The following TRAPPC9 variants were observed in gnomAD, a reference collection of about 807,000 sequenced individuals.
TRAPPC9 encodes IKK2 binding protein.
A neutral mutation model predicts 124.0 loss-of-function variants in TRAPPC9; 83 were observed. The ratio of observed to expected loss-of-function variants is 0.67; its 90% CI spans 0.56 to 0.80. The LOEUF (loss-of-function observed/expected upper bound fraction) is 0.80. TRAPPC9 is among the 30% of genes least tolerant of loss of function. The pLI is 0.00. For synonymous variants in TRAPPC9, 638 were observed against 617.5 expected (o/e 1.03, Z -0.49); for missense variants, 1,302 against 1,508.3 (o/e 0.86, Z 2.27).
chr8:140,322,106 C>T (rs1568604), intron 9 of TRAPPC9, among the ~76,000 whole-genome samples: 99,577 of 152,028 alleles, frequency 0.65, 33,079 homozygotes, highest in African/African-American at 0.78. Flanking sequence ...AAGAGAGAGC[C>T]CCCAAAATGC....
chr8:140,289,495 G>C (rs748136085), intron 12 of TRAPPC9, among the ~76,000 whole-genome samples: 15 of 152,172 alleles, frequency 9.9e-5, no homozygotes, highest in Non-Finnish European at 2.9e-5. Flanking sequence ...GGAGATGCGA[G>C]TGTGTACTAT....
intron 17 of TRAPPC9, among the ~76,000 whole-genome samples, chr8:140,116,734 A>G (rs891025211): frequency 6.6e-6 from 1 of 152,176 alleles, no homozygotes. Context: ...GCAGCGGACA[A>G]GCTAGAGAGA....
At position 139,917,167 on chromosome 8, in the gene TRAPPC9, CT is replaced by C. The variant is rs71318317; in HGVS notation, c.2811-6868del. Among the ~76,000 whole-genome samples, 469 of 99,914 alleles carry C rather than the reference CT, an allele frequency of 4.7e-3. 4 individuals carry two copies. The highest frequency in any genetic ancestry group is 0.025 in the South Asian group (67 of 2,712). 65.5% of individuals were successfully genotyped at this position (99,914 alleles called of 152,430 possible). A position where few individuals can be genotyped will look rare whatever the true frequency, so the allele number is the denominator to read the frequency against. On this transcript the variant is annotated intron_variant, in intron 19 of 22. Coordinates refer to ENST00000438773, the MANE Select transcript of TRAPPC9 (RefSeq NM_001160372.4). ...AGAAATCCTTCTTCATTATTATTTT[CT>C]TTTTTTTTTTTTTTTTTTTTGTTGA...
chr8:139,999,047 A>C (rs972920387), intron 18 of TRAPPC9, among the ~76,000 whole-genome samples: 2 of 152,196 alleles, frequency 1.3e-5, no homozygotes, highest in Admixed American at 6.5e-5. Context: ...AAAAGGAGAA[A>C]TGGAACAATA....
chr8:139,954,854 A>G (rs2614740), intron 19 of TRAPPC9, among the ~76,000 whole-genome samples: 136,024 of 152,264 alleles, frequency 0.89, 60,916 homozygotes, highest in Middle Eastern at 0.99. Context: ...ATACACAGGC[A>G]TGTTAAAATA....
At chr8:140,344,924 A>C (rs1441422081) in intron 9 of TRAPPC9, among the ~76,000 whole-genome samples, 2 of 152,262 alleles carry the variant, frequency 1.3e-5, no homozygotes, top group East Asian at 3.8e-4. Context: ...GTGCTGAGGC[A>C]GTGAAGCCTC....
At chr8:139,979,484 G>A (rs768593663) in intron 19 of TRAPPC9, among the ~76,000 whole-genome samples, 2 of 152,178 alleles carry the variant, frequency 1.3e-5, no homozygotes, top group Non-Finnish European at 2.9e-5. Flanking sequence ...TCCTGCACTC[G>A]GGTGCACGGT....
At chr8:139,986,439 A>G (rs900277543) in intron 19 of TRAPPC9, among the ~76,000 whole-genome samples, 1 of 152,180 alleles carries the variant, frequency 6.6e-6, no homozygotes, top group Non-Finnish European at 1.5e-5. Context: ...AGCTATTTTT[A>G]CTTTTATTTT....
rs1044875226 is a variant in TRAPPC9, at chr8:140,236,491, A to T, written c.2432-14908T>A. 3.3e-5 allele frequency among the ~76,000 whole-genome samples: 5 copies of T among 152,236 alleles called. No individual in the cohort carries two copies. In the East Asian group the frequency reaches 9.6e-4, roughly 29 times the overall value. ...GCAGCTATTGACTGCCACAGGTCTC[A>T]AGAGAACTGGAGGGTGCTGAAAATT... On this transcript the variant is annotated intron_variant, in intron 16 of 22. Transcript: ENST00000438773.
At chr8:140,266,824 C>A (rs144689352) in intron 15 of TRAPPC9, among the ~76,000 whole-genome samples, 27,947 of 151,720 alleles carry the variant, frequency 0.18, 2,602 homozygotes, top group Admixed American at 0.22. Context: ...CGCGCCACTG[C>A]ACTCCAGCCT....
chr8:140,012,256 C>A (rs1022271636), intron 18 of TRAPPC9, among the ~76,000 whole-genome samples: 8 of 152,188 alleles, frequency 5.3e-5, no homozygotes, highest in Non-Finnish European at 1.0e-4. Flanking sequence ...CTGTTCAAGG[C>A]AGGAAGTAGA....
At chr8:139,974,436 T>C (rs924139531) in intron 19 of TRAPPC9, among the ~76,000 whole-genome samples, 1 of 152,142 alleles carries the variant, frequency 6.6e-6, no homozygotes, top group African/African-American at 2.4e-5. Context: ...CCACCACTGA[T>C]TACATTAAGT....
chr8:140,142,913 G>GT (rs2061403566), intron 17 of TRAPPC9, among the ~76,000 whole-genome samples: 1 of 152,156 alleles, frequency 6.6e-6, no homozygotes, highest in South Asian at 2.1e-4. Context: ...TGTCCAACTT[G>GT]TGAGTTTTCT....
At chr8:139,811,163 T>TA (rs1248185018) in intron 21 of TRAPPC9, among the ~76,000 whole-genome samples, 1 of 151,976 alleles carries the variant, frequency 6.6e-6, no homozygotes, top group African/African-American at 2.4e-5. Flanking sequence ...CAAGGTTCTA[T>TA]AAAAAGGAAC....
At chr8:139,741,286 AG>A (rs1818545204) in intron 21 of TRAPPC9, among the ~76,000 whole-genome samples, 1 of 152,172 alleles carries the variant, frequency 6.6e-6, no homozygotes. Flanking sequence ...GCTGTCTTCC[AG>A]GCCCAGGGCT....
At chr8:139,889,552 C>T (rs900411495) in intron 20 of TRAPPC9, among the ~76,000 whole-genome samples, 4 of 152,120 alleles carry the variant, frequency 2.6e-5, no homozygotes, top group African/African-American at 9.7e-5. Context: ...TGAAAAAGTT[C>T]GGGAAGCAGA....
At chr8:140,089,819 C>A (rs1844444750) in intron 17 of TRAPPC9, among the ~76,000 whole-genome samples, 2 of 151,964 alleles carry the variant, frequency 1.3e-5, no homozygotes, top group South Asian at 2.1e-4. Flanking sequence ...GTGGCTCACA[C>A]CTGTAATCCC....
rs181474650 is a variant in TRAPPC9, at chr8:140,399,606, T to G, written c.1009-1861A>C. ...TTTTGCCAATTTCTCCCATTTGGAATGGTTGTATTTACCCAATGTGTATAC... is the reference window on the plus strand; with the variant it reads ...TTTTGCCAATTTCTCCCATTTGGAAGGGTTGTATTTACCCAATGTGTATAC... On this transcript the variant is annotated intron_variant, in intron 6 of 22. Transcript: ENST00000438773. Among the ~76,000 whole-genome samples, 9 of 152,360 alleles carry G rather than the reference T, an allele frequency of 5.9e-5. No individual in the cohort carries two copies. The East Asian group carries it at 1.7e-3, about 29-fold the overall frequency.
At chr8:139,784,637 AT>A (rs1563810579) in intron 21 of TRAPPC9, among the ~76,000 whole-genome samples, 12 of 142,748 alleles carry the variant, frequency 8.4e-5, no homozygotes, top group Admixed American at 2.9e-4. Context: ...ATATATATAT[AT>A]ATATATAAAT....
Sources: gnomAD v4.1 joint callset for allele counts (sites outside exome capture counted in the v4.1 genomes callset) on GRCh38, gnomAD v4.1.1 for gene constraint, MANE v1.5 for transcripts, NCBI Gene and HGNC (gene_info 2026-07-23, HGNC 2026-07-21) for gene names.